ABCC4: variants seen among roughly 807,000 people sequenced by gnomAD.
The protein encoded by ABCC4 is ATP binding cassette subfamily C member 4 (PEL blood group), also known as ATP-binding cassette sub-family C member 4.
In ABCC4, 102 loss-of-function variants were observed where a neutral mutation model predicts 168.5. The ratio of observed to expected loss-of-function variants is 0.61; its 90% CI spans 0.52 to 0.71. The LOEUF (loss-of-function observed/expected upper bound fraction) is 0.71, where lower values mean the gene tolerates loss of function less well. ABCC4 is among the 30% of genes least tolerant of loss of function. ABCC4 has a pLI of 0.00. For synonymous variants in ABCC4, 617 were observed against 590.7 expected (o/e 1.04, Z -0.65); for missense variants, 1,402 against 1,605.8 (o/e 0.87, Z 2.17).
intron 3 of ABCC4, among the ~76,000 whole-genome samples, chr13:95,236,162 C>T (rs1200569792): frequency 6.6e-6 from 1 of 152,120 alleles, no homozygotes; most frequent in East Asian, 1.9e-4. Context: ...AACCTACTTC[C>T]TCCCTCTCGA....
At chr13:95,282,439 T>C (rs536281443) in intron 1 of ABCC4, among the ~76,000 whole-genome samples, 2 of 152,238 alleles carry the variant, frequency 1.3e-5, no homozygotes, top group Non-Finnish European at 2.9e-5. Flanking sequence ...CTTTGTTTAA[T>C]GAAACAGAAT....
At chr13:95,255,034 T>C (rs1457680021) in intron 1 of ABCC4, among the ~76,000 whole-genome samples, 1 of 152,216 alleles carries the variant, frequency 6.6e-6, no homozygotes, top group Non-Finnish European at 1.5e-5. Flanking sequence ...GTTACAAATA[T>C]AAATATTAAA....
At chr13:95,262,989 G>A (rs1465143718) in intron 1 of ABCC4, among the ~76,000 whole-genome samples, 2 of 152,056 alleles carry the variant, frequency 1.3e-5, no homozygotes, top group African/African-American at 2.4e-5. Flanking sequence ...TCCTTCTTGT[G>A]GGCTGTTCAG....
intron 1 of ABCC4, among the ~76,000 whole-genome samples, chr13:95,257,660 C>T (rs539331029): frequency 5.6e-4 from 14 of 24,824 alleles, no homozygotes; most frequent in African/African-American, 1.2e-3. Context: ...GAGACTTCAT[C>T]TCAAAAAAAA....
intron 4 of ABCC4, among the ~76,000 whole-genome samples, chr13:95,227,763 C>A (rs1325209890): frequency 6.6e-6 from 1 of 152,230 alleles, no homozygotes; most frequent in Admixed American, 6.5e-5. Context: ...CGCTGGAGTG[C>A]GGTGGCACGG....
intron 3 of ABCC4, among the ~76,000 whole-genome samples, chr13:95,235,384 C>T (rs1297175685): frequency 1.3e-5 from 2 of 152,090 alleles, no homozygotes; most frequent in Non-Finnish European, 2.9e-5. Context: ...GTATTACAAA[C>T]AGGGCTTTAA....
At chr13:95,287,120 GA>G (rs1347435456) in intron 1 of ABCC4, among the ~76,000 whole-genome samples, 1 of 151,702 alleles carries the variant, frequency 6.6e-6, no homozygotes. Flanking sequence ...GCAACATGGT[GA>G]AACCTATCTC....
At position 95,247,093 on chromosome 13, in the gene ABCC4, A is replaced by AACCT. The variant is rs2040125404; in HGVS notation, c.186-2_187dup (p.Phe63Ter). On this transcript the variant is annotated stop_gained and frameshift_variant and splice_region_variant, in exon 3 of 31. Coordinates refer to ENST00000645237, the MANE Select transcript of ABCC4 (RefSeq NM_005845.5). LOFTEE classifies it high-confidence loss of function. The stretch of plus-strand genomic sequence containing the variant: ...AGCTCTTAAAACTTCTTTATCCCAG[A>AACCT]ACCTACAATGAGGAAAAAGCTTCGT... The AACCT allele has an allele frequency of 6.2e-7, 1 of 1,611,408 alleles. No individual in the cohort carries two copies. The highest frequency in any genetic ancestry group is 8.5e-7 in the Non-Finnish European group (1 of 1,179,406).
chr13:95,093,074 C>T (rs745610605), intron 20 of ABCC4, among the ~76,000 whole-genome samples: 34 of 151,916 alleles, frequency 2.2e-4, no homozygotes, highest in Non-Finnish European at 4.0e-4. Context: ...AAAAAAAGTC[C>T]AAGACCAGAC....
chr13:95,139,036 C>T (rs1300129525), intron 19 of ABCC4, among the ~76,000 whole-genome samples: 1 of 152,238 alleles, frequency 6.6e-6, no homozygotes, highest in East Asian at 1.9e-4. Flanking sequence ...CCCTGGGCCT[C>T]TCCTTCCACG....
intron 3 of ABCC4, among the ~76,000 whole-genome samples, chr13:95,242,135 A>G (rs2039963821): frequency 6.6e-6 from 1 of 152,210 alleles, no homozygotes; most frequent in South Asian, 2.1e-4. Context: ...TCCACTATCC[A>G]AAATACGAAG....
intron 21 of ABCC4, among the ~76,000 whole-genome samples, chr13:95,078,301 A>G (rs1221485704): frequency 6.6e-6 from 1 of 152,066 alleles, no homozygotes; most frequent in Non-Finnish European, 1.5e-5. Flanking sequence ...AGTCCCAACT[A>G]CTCAGGAAGC....
intron 27 of ABCC4, among the ~76,000 whole-genome samples, chr13:95,046,024 C>T (rs903358169): frequency 5.3e-5 from 8 of 152,134 alleles, no homozygotes; most frequent in Non-Finnish European, 7.4e-5. Context: ...AGATTTGGCT[C>T]GTGGTGCAAA....
intron 19 of ABCC4, among the ~76,000 whole-genome samples, chr13:95,150,445 T>C (rs2036637469): frequency 6.6e-6 from 1 of 152,186 alleles, no homozygotes; most frequent in South Asian, 2.1e-4. Context: ...GAACTTGTTT[T>C]TAATAAACTT....
intron 20 of ABCC4, among the ~76,000 whole-genome samples, chr13:95,109,058 C>T (rs2035110959): frequency 6.6e-6 from 1 of 152,166 alleles, no homozygotes; most frequent in African/African-American, 2.4e-5. Context: ...ACCTCCTGCA[C>T]TAGAATGCCA....
At chr13:95,296,154 A>ACT (rs1487492038) in intron 1 of ABCC4, among the ~76,000 whole-genome samples, 4 of 53,834 alleles carry the variant, frequency 7.4e-5, no homozygotes, top group Non-Finnish European at 2.2e-4. Context: ...ACACACACAC[A>ACT]CACACACACA....
intron 26 of ABCC4, among the ~76,000 whole-genome samples, chr13:95,058,839 C>T (rs1464784889): frequency 6.6e-6 from 1 of 152,138 alleles, no homozygotes; most frequent in Non-Finnish European, 1.5e-5. Context: ...TCATAAGGCT[C>T]CTTGCACGGT....
chr13:95,143,939 C>T (rs2036402941), intron 19 of ABCC4, among the ~76,000 whole-genome samples: 2 of 152,022 alleles, frequency 1.3e-5, no homozygotes, highest in South Asian at 4.1e-4. Flanking sequence ...TTGATAAAAG[C>T]AAGTTTATGT....
chr13:95,186,297 G>C (rs937337795), intron 11 of ABCC4, among the ~76,000 whole-genome samples: 1 of 152,130 alleles, frequency 6.6e-6, no homozygotes, highest in African/African-American at 2.4e-5. Flanking sequence ...AATCTGGGTT[G>C]GGGGTGGAGC....
Sources: allele counts gnomAD v4.1 joint callset (sites outside exome capture counted in the v4.1 genomes callset), GRCh38; gene constraint gnomAD v4.1.1; transcripts MANE v1.5; gene names NCBI Gene and HGNC (gene_info 2026-07-23, HGNC 2026-07-21).